MACROD2: variants seen among roughly 807,000 people sequenced by gnomAD.
The protein encoded by MACROD2 is ADP-ribose glycohydrolase MACROD2.
A neutral mutation model predicts 70.4 loss-of-function variants in MACROD2; 36 were observed. The ratio of observed to expected loss-of-function variants is 0.51; its 90% CI spans 0.39 to 0.68. The LOEUF (loss-of-function observed/expected upper bound fraction) is 0.68. MACROD2 is among the 30% of genes least tolerant of loss of function. The probability of loss-of-function intolerance (pLI) is 0.00; values close to 1 mark genes in which losing one functional copy is unlikely to be tolerated. For synonymous variants in MACROD2, 172 were observed against 178.8 expected (o/e 0.96, Z 0.30); for missense variants, 496 against 538.4 (o/e 0.92, Z 0.78).
intron 15 of MACROD2, among the ~76,000 whole-genome samples, chr20:16,007,239 G>A (rs934264945): frequency 2.6e-5 from 4 of 152,226 alleles, no homozygotes; most frequent in Admixed American, 6.5e-5. Flanking sequence ...TTTTGCATAG[G>A]AGAGTGATAA....
intron 5 of MACROD2, among the ~76,000 whole-genome samples, chr20:14,968,797 T>A (rs1006680435): frequency 1.3e-5 from 2 of 152,184 alleles, no homozygotes; most frequent in Admixed American, 6.5e-5. Context: ...CTACCACAAG[T>A]AAAACTTGCT....
chr20:14,873,628 C>T (rs891657809), intron 5 of MACROD2, among the ~76,000 whole-genome samples: 5 of 152,038 alleles, frequency 3.3e-5, no homozygotes, highest in Admixed American at 6.6e-5. Context: ...TTTGGGAAGC[C>T]GAGACAGGCA....
intron 5 of MACROD2, among the ~76,000 whole-genome samples, chr20:14,949,466 A>T (rs1378555226): frequency 6.6e-6 from 1 of 152,196 alleles, no homozygotes; most frequent in African/African-American, 2.4e-5. Context: ...CTTGCAGGTC[A>T]AAAATCACAG....
intron 3 of MACROD2, among the ~76,000 whole-genome samples, chr20:14,257,848 A>G (rs898374334): frequency 1.3e-5 from 2 of 152,092 alleles, no homozygotes; most frequent in African/African-American, 2.4e-5. Context: ...TGCGCAGCAT[A>G]CACTGTAGCC....
At chr20:14,631,430 G>A (rs1266337237) in intron 4 of MACROD2, among the ~76,000 whole-genome samples, 1 of 152,184 alleles carries the variant, frequency 6.6e-6, no homozygotes, top group Non-Finnish European at 1.5e-5. Flanking sequence ...GGAATGAGAT[G>A]TTGCCCGACT....
At chr20:16,022,490 T>C (rs1216413491) in intron 15 of MACROD2, among the ~76,000 whole-genome samples, 3 of 152,192 alleles carry the variant, frequency 2.0e-5, no homozygotes, top group Admixed American at 2.0e-4. Flanking sequence ...AGTAAGCCAA[T>C]GACTCTCAAG....
chr20:15,362,043 G>T (rs55888500), intron 6 of MACROD2, among the ~76,000 whole-genome samples: 3 of 145,500 alleles, frequency 2.1e-5, no homozygotes, highest in African/African-American at 7.7e-5. Flanking sequence ...ACGGAGTCTC[G>T]CTCTGTTGCC....
intron 8 of MACROD2, among the ~76,000 whole-genome samples, chr20:15,561,045 G>A (rs1173421808): frequency 6.6e-6 from 1 of 152,146 alleles, no homozygotes; most frequent in Non-Finnish European, 1.5e-5. Flanking sequence ...GTGGCATTAA[G>A]ACAGACACTG....
intron 8 of MACROD2, among the ~76,000 whole-genome samples, chr20:15,759,145 C>CAAAAAAAAAAAA (rs57212358): frequency 1.7e-5 from 1 of 58,924 alleles, no homozygotes. Context: ...GACTCCATCT[C>CAAAAAAAAAAAA]AAAAAAAAAA....
chr20:15,909,086 G>A lies in MACROD2; in HGVS notation c.775+23275G>A, dbSNP rs1175417304. 2.6e-5 allele frequency among the ~76,000 whole-genome samples: 4 copies of A among 152,212 alleles called. No homozygotes were observed. In the East Asian group the frequency reaches 7.7e-4, roughly 29 times the overall value. ...GCTGGGGTGGCTCAGAAATTGGGAG[G>A]CTGAAATATCCAGGGCTTCTCTTAC... On this transcript the variant is annotated intron_variant, in intron 10 of 17. Transcript: ENST00000684519.
intron 5 of MACROD2, among the ~76,000 whole-genome samples, chr20:15,076,314 C>T (rs409397): frequency 0.73 from 110,242 of 152,050 alleles, 40,457 homozygotes; most frequent in African/African-American, 0.84. Flanking sequence ...AAATCAATTT[C>T]TGCTTTGTTA....
chr20:15,611,131 T>G (rs751122127), intron 8 of MACROD2, among the ~76,000 whole-genome samples: 6 of 151,008 alleles, frequency 4.0e-5, no homozygotes, highest in Non-Finnish European at 8.8e-5. Context: ...AAGAGCACAC[T>G]GCTCATTCAT....
Position 15,607,583 on chromosome 20 carries a change from G to T in MACROD2, c.645+107736G>T, listed in dbSNP as rs1223318127. Among the ~76,000 whole-genome samples the T allele has an allele frequency of 2.0e-5, 3 of 152,268 alleles. No individual in the cohort carries two copies. The East Asian group carries it at 5.8e-4, about 29-fold the overall frequency. ...AAGTCTCCTTCTGTCACCCAGGCTG[G>T]AGTGCAATGGCACTATCTTGGCTCA... On this transcript the variant is annotated intron_variant, in intron 8 of 17. Coordinates refer to ENST00000684519, the MANE Select transcript of MACROD2 (RefSeq NM_001351661.2).
At chr20:14,225,811 T>C (rs2081727858) in intron 3 of MACROD2, among the ~76,000 whole-genome samples, 2 of 152,206 alleles carry the variant, frequency 1.3e-5, no homozygotes, top group African/African-American at 4.8e-5. Flanking sequence ...TTAAGGTAGT[T>C]GTTTGAAACT....
chr20:14,783,144 A>G (rs573009132), intron 5 of MACROD2, among the ~76,000 whole-genome samples: 11 of 152,300 alleles, frequency 7.2e-5, no homozygotes, highest in Admixed American at 2.0e-4. Flanking sequence ...GTAAAAGTAT[A>G]TAACAATTTG....
At chr20:15,252,832 C>T (rs1337735114) in intron 6 of MACROD2, among the ~76,000 whole-genome samples, 4 of 152,148 alleles carry the variant, frequency 2.6e-5, no homozygotes. Flanking sequence ...CCATGGCATC[C>T]ACAGACTCAC....
chr20:14,361,683 GA>G (rs1328684486), intron 3 of MACROD2, among the ~76,000 whole-genome samples: 2 of 152,106 alleles, frequency 1.3e-5, no homozygotes, highest in African/African-American at 4.8e-5. Flanking sequence ...TTAATGACCC[GA>G]TACTGTTCTC....
intron 5 of MACROD2, among the ~76,000 whole-genome samples, chr20:15,073,356 T>C (rs2075633214): frequency 6.6e-6 from 1 of 152,046 alleles, no homozygotes; most frequent in Non-Finnish European, 1.5e-5. Flanking sequence ...CACATATTAC[T>C]AAAACCCTGT....
intron 3 of MACROD2, among the ~76,000 whole-genome samples, chr20:14,221,223 G>A (rs1328935269): frequency 2.0e-5 from 3 of 152,144 alleles, no homozygotes; most frequent in African/African-American, 7.2e-5. Flanking sequence ...TTATCTTGGG[G>A]TATGAATGGG....
Sources: gnomAD v4.1 joint callset for allele counts (sites outside exome capture counted in the v4.1 genomes callset) on GRCh38, gnomAD v4.1.1 for gene constraint, MANE v1.5 for transcripts, NCBI Gene and HGNC (gene_info 2026-07-23, HGNC 2026-07-21) for gene names.